The following KAT2B variants were observed in gnomAD, a reference collection of about 807,000 sequenced individuals.
The protein encoded by KAT2B is histone acetyltransferase KAT2B.
KAT2B carries 36 observed loss-of-function variants against 105.9 expected under a neutral mutation model. The ratio of observed to expected loss-of-function variants is 0.34; its 90% confidence interval spans 0.26 to 0.45. KAT2B has a LOEUF of 0.45. Ranked by LOEUF, KAT2B falls within the 20% of genes least tolerant of loss-of-function variation. The pLI, the probability that KAT2B is intolerant of heterozygous loss-of-function variation, is 1.00. For synonymous variants in KAT2B, 397 were observed against 377.9 expected (o/e 1.05, Z -0.59); for missense variants, 820 against 1,021.6 (o/e 0.80, Z 2.69).
chr3:20,122,721 C>G lies in KAT2B; in HGVS notation c.1330C>G (p.Arg444Gly). Residue 444 changes from arginine to glycine, a missense_variant, in exon 9 of 18, where the codon CGA (arginine) becomes GGA (glycine). This residue lies in a region of KAT2B where 225 missense variants were observed against 268.1 expected (regional missense o/e 0.84). Transcript: ENST00000263754. ...TGTTCTGGAGGAGGCCAAGAAACCCCGAGTTATGGGGGATATTCCGATGGA... is the reference window on the plus strand; with the variant it reads ...TGTTCTGGAGGAGGCCAAGAAACCCGGAGTTATGGGGGATATTCCGATGGA... The part of the protein sequence containing the change: ...SHVLEEAKKP[R>G]VMGDIPMELI... The G allele has an allele frequency of 1.2e-6, 2 of 1,613,916 alleles. No individual in the cohort carries two copies. Among genetic ancestry groups the G allele is most frequent in the Non-Finnish European group, 1.7e-6 (2 of 1,179,910 alleles).
Position 20,127,281 on chromosome 3 carries a change from C to T in KAT2B, c.1623-142C>T, listed in dbSNP as rs139991254. The T allele has an allele frequency of 3.8e-3, 2,735 of 723,920 alleles. 8 individuals carry two copies. Among genetic ancestry groups the T allele is most frequent in the Non-Finnish European group, 5.4e-3 (2,345 of 432,078 alleles). The allele number at this position is 723,920 out of a possible 1,614,324, so 44.8% of individuals were successfully genotyped here. A position where few individuals can be genotyped will look rare whatever the true frequency, so the allele number is the denominator to read the frequency against. On this transcript the variant is annotated intron_variant, in intron 10 of 17. Transcript: ENST00000263754. The stretch of plus-strand genomic sequence containing the variant: ...AAGTTCAGATAAAAGGATGGTCTAG[C>T]GAGATAGGGGCTACATGAAGGAAGT...
intron 5 of KAT2B, among the ~76,000 whole-genome samples, chr3:20,106,214 A>C (rs1265723149): frequency 6.6e-6 from 1 of 152,264 alleles, no homozygotes; most frequent in Non-Finnish European, 1.5e-5. Flanking sequence ...TTATTTGAAC[A>C]GTAAGAAAAT....
chr3:20,104,337 A>G (rs1428499181), intron 5 of KAT2B, among the ~76,000 whole-genome samples: 1 of 152,166 alleles, frequency 6.6e-6, no homozygotes, highest in Non-Finnish European at 1.5e-5. Context: ...ATAAATAAGG[A>G]AATGAAGGTA....
At chr3:20,068,753 C>G (rs1698268311) in intron 1 of KAT2B, among the ~76,000 whole-genome samples, 1 of 152,174 alleles carries the variant, frequency 6.6e-6, no homozygotes, top group African/African-American at 2.4e-5. Context: ...GCTTGAAATG[C>G]TGTTCTCCAA....
intron 2 of KAT2B, among the ~76,000 whole-genome samples, chr3:20,081,070 T>C (rs1698511103): frequency 6.6e-6 from 1 of 152,208 alleles, no homozygotes; most frequent in Non-Finnish European, 1.5e-5. Flanking sequence ...TGATAAGCCT[T>C]TTGCACATTA....
intron 2 of KAT2B, among the ~76,000 whole-genome samples, chr3:20,089,543 G>C (rs895053144): frequency 6.6e-6 from 1 of 151,794 alleles, no homozygotes; most frequent in African/African-American, 2.4e-5. Flanking sequence ...TGAGATTACA[G>C]GCGTGCGCCA....
intron 17 of KAT2B, 28 bp downstream of exon 17, chr3:20,148,515 A>G: frequency 6.7e-7 from 1 of 1,497,136 alleles, no homozygotes; most frequent in Admixed American, 2.1e-5. Flanking sequence ...TTCTAAGTAT[A>G]GATTTAAAAC....
intron 2 of KAT2B, among the ~76,000 whole-genome samples, chr3:20,089,674 C>A (rs1698680871): frequency 6.6e-6 from 1 of 152,040 alleles, no homozygotes; most frequent in Admixed American, 6.6e-5. Flanking sequence ...TGCTGGGACT[C>A]CCAGTGTGAG....
intron 1 of KAT2B, among the ~76,000 whole-genome samples, chr3:20,053,970 G>A (rs1316921256): frequency 6.6e-6 from 1 of 151,964 alleles, no homozygotes; most frequent in Non-Finnish European, 1.5e-5. Flanking sequence ...GCTAATTTTT[G>A]TATTTTTAGT....
chr3:20,070,743 G>A (rs991798072), intron 1 of KAT2B, among the ~76,000 whole-genome samples: 2 of 151,216 alleles, frequency 1.3e-5, no homozygotes, highest in Admixed American at 6.6e-5. Context: ...TCACGGTGGC[G>A]CACGCCTGTA....
intron 5 of KAT2B, among the ~76,000 whole-genome samples, chr3:20,110,005 G>A (rs948400975): frequency 6.6e-6 from 1 of 151,804 alleles, no homozygotes; most frequent in Admixed American, 6.6e-5. Flanking sequence ...ACACATACAG[G>A]CAAAATATTT....
At chr3:20,087,079 T>G (rs1171616498) in intron 2 of KAT2B, among the ~76,000 whole-genome samples, 1 of 152,158 alleles carries the variant, frequency 6.6e-6, no homozygotes, top group Non-Finnish European at 1.5e-5. Context: ...TGCGCCTGGC[T>G]GAGATTTTTT....
chr3:20,119,577 C>T (rs1409552476), intron 7 of KAT2B, 21 bp from the exon 8 acceptor site: 2 of 1,613,528 alleles, frequency 1.2e-6, no homozygotes, highest in African/African-American at 1.3e-5. Context: ...CTAACACCTT[C>T]TTCTCCTTTT....
chr3:20,084,793 C>T (rs1166993969), intron 2 of KAT2B, among the ~76,000 whole-genome samples: 1 of 152,154 alleles, frequency 6.6e-6, no homozygotes, highest in Non-Finnish European at 1.5e-5. Flanking sequence ...CTTGAGCCTT[C>T]TAAAAATAGA....
chr3:20,053,309 G>A (rs1345144689), intron 1 of KAT2B, among the ~76,000 whole-genome samples: 1 of 152,134 alleles, frequency 6.6e-6, no homozygotes, highest in Non-Finnish European at 1.5e-5. Flanking sequence ...GCCAAGGTGG[G>A]CAGATTGCTT....
intron 5 of KAT2B, among the ~76,000 whole-genome samples, chr3:20,108,476 T>C (rs1699061371): frequency 6.6e-6 from 1 of 152,250 alleles, no homozygotes. Context: ...AACAACATTT[T>C]AGTCAGCAAT....
At chr3:20,070,777 G>A (rs972646483) in intron 1 of KAT2B, among the ~76,000 whole-genome samples, 1 of 151,646 alleles carries the variant, frequency 6.6e-6, no homozygotes, top group Non-Finnish European at 1.5e-5. Context: ...GGGAGGCCAA[G>A]GTGGGCGGAT....
chr3:20,079,466 A>C (rs574106447), intron 2 of KAT2B, among the ~76,000 whole-genome samples: 112 of 152,056 alleles, frequency 7.4e-4, no homozygotes, highest in African/African-American at 2.5e-3. Flanking sequence ...AGCCTCCCCA[A>C]ATGCTGGGAT....
At chr3:20,067,929 C>T (rs1260138074) in intron 1 of KAT2B, among the ~76,000 whole-genome samples, 1 of 151,646 alleles carries the variant, frequency 6.6e-6, no homozygotes, top group Non-Finnish European at 1.5e-5. Context: ...CCTGCCTTAA[C>T]CTCCCAAAGT....
Sources: gnomAD v4.1 joint callset for allele counts (sites outside exome capture counted in the v4.1 genomes callset) on GRCh38, gnomAD v4.1.1 for gene constraint, gnomAD v4.1.1 regional missense constraint, MANE v1.5 for transcripts, NCBI Gene and HGNC (gene_info 2026-07-23, HGNC 2026-07-21) for gene names.